The following GPC5 variants were observed in gnomAD, a reference collection of about 807,000 sequenced individuals.
GPC5 encodes the protein glypican 5.
In GPC5, 47 loss-of-function variants were observed where a neutral mutation model predicts 53.9. The ratio of observed to expected loss-of-function variants is 0.87; its 90% CI spans 0.69 to 1.11. GPC5 has a LOEUF of 1.11. Among genes scored for constraint, GPC5 ranks in the 50% most tolerant of loss-of-function variants. The pLI is 0.00. For synonymous variants in GPC5, 286 were observed against 263.3 expected (o/e 1.09, Z -0.84); for missense variants, 748 against 713.1 (o/e 1.05, Z -0.56).
chr13:91,979,938 T>C (rs996132787), intron 6 of GPC5, among the ~76,000 whole-genome samples: 4 of 152,214 alleles, frequency 2.6e-5, no homozygotes, highest in Admixed American at 6.5e-5. Context: ...CACAACACTT[T>C]GCTACTTTCA....
chr13:92,385,337 CATATATAT>C (rs1293534012), intron 7 of GPC5, among the ~76,000 whole-genome samples: 5 of 115,806 alleles, frequency 4.3e-5, no homozygotes, highest in East Asian at 2.6e-4. Context: ...TACATATATA[CATATATAT>C]ACATATATAC....
intron 7 of GPC5, among the ~76,000 whole-genome samples, chr13:92,387,272 C>T (rs558299400): frequency 2.6e-5 from 4 of 152,084 alleles, no homozygotes; most frequent in South Asian, 2.1e-4. Flanking sequence ...CTTTGTGTGA[C>T]GTAATTTCCC....
intron 7 of GPC5, among the ~76,000 whole-genome samples, chr13:92,272,748 A>T (rs1486603056): frequency 6.6e-6 from 1 of 152,202 alleles, no homozygotes; most frequent in African/African-American, 2.4e-5. Flanking sequence ...AATACCATGG[A>T]GCTTAAAAGC....
intron 7 of GPC5, among the ~76,000 whole-genome samples, chr13:92,412,273 C>T (rs574225085): frequency 6.6e-6 from 1 of 152,264 alleles, no homozygotes; most frequent in South Asian, 2.1e-4. Context: ...CTACCTGATG[C>T]TAGTCCATCT....
At chr13:92,540,200 A>G (rs1881889096) in intron 7 of GPC5, among the ~76,000 whole-genome samples, 1 of 152,002 alleles carries the variant, frequency 6.6e-6, no homozygotes, top group African/African-American at 2.4e-5. Context: ...GAAAAGCTCT[A>G]TCATGAATAA....
At chr13:92,266,011 C>T (rs569723511) in intron 7 of GPC5, among the ~76,000 whole-genome samples, 26 of 152,244 alleles carry the variant, frequency 1.7e-4, no homozygotes, top group African/African-American at 6.3e-4. Flanking sequence ...AACCCACCCC[C>T]GTAATAACGA....
chr13:92,103,620 A>G (rs1455312497), intron 6 of GPC5, among the ~76,000 whole-genome samples: 1 of 152,166 alleles, frequency 6.6e-6, no homozygotes, highest in Non-Finnish European at 1.5e-5. Context: ...AGAAATTTCC[A>G]AAATTACTGT....
chr13:92,765,208 T>C (rs557902947), intron 7 of GPC5, among the ~76,000 whole-genome samples: 42 of 152,298 alleles, frequency 2.8e-4, no homozygotes, highest in African/African-American at 9.9e-4. Flanking sequence ...ATTTTCCCCA[T>C]GGTCTTCTTA....
intron 6 of GPC5, among the ~76,000 whole-genome samples, chr13:92,102,944 C>A (rs2041478806): frequency 6.6e-6 from 1 of 152,152 alleles, no homozygotes; most frequent in South Asian, 2.1e-4. Flanking sequence ...CTCACTGTAG[C>A]CTCAACCTCC....
intron 2 of GPC5, among the ~76,000 whole-genome samples, chr13:91,598,722 A>G (rs1594311141): frequency 2.0e-5 from 3 of 152,234 alleles, no homozygotes. Flanking sequence ...AAACAAGTAT[A>G]TCATGTAAAG....
intron 5 of GPC5, among the ~76,000 whole-genome samples, chr13:91,805,478 T>TTGAA (rs3029820): frequency 0.6 from 90,412 of 151,674 alleles, 27,439 homozygotes; most frequent in East Asian, 0.95. Context: ...TAATTTGACT[T>TTGAA]TGGTCAAAGG....
chr13:91,762,804 A>G (rs1300075724), intron 5 of GPC5, among the ~76,000 whole-genome samples: 1 of 152,146 alleles, frequency 6.6e-6, no homozygotes, highest in African/African-American at 2.4e-5. Flanking sequence ...ATAATTTTCA[A>G]TTAAATCATT....
chr13:92,512,256 G>GCA (rs1366460672), intron 7 of GPC5, among the ~76,000 whole-genome samples: 13 of 151,990 alleles, frequency 8.6e-5, no homozygotes, highest in East Asian at 1.9e-4. Flanking sequence ...GTGTGCGCGC[G>GCA]CGCGCGCGTA....
At chr13:91,482,496 G>A (rs1883360950) in intron 2 of GPC5, among the ~76,000 whole-genome samples, 1 of 152,188 alleles carries the variant, frequency 6.6e-6, no homozygotes, top group Non-Finnish European at 1.5e-5. Flanking sequence ...TTCTCATAGT[G>A]TAATCCAAAA....
chr13:91,923,698 CT>C (rs1048993474), intron 6 of GPC5, among the ~76,000 whole-genome samples: 2 of 151,974 alleles, frequency 1.3e-5, no homozygotes, highest in Non-Finnish European at 2.9e-5. Context: ...ATTTATATAC[CT>C]ATCTACTATC....
At chr13:92,782,107 GGGGAAGGGA>G (rs1249271787) in intron 7 of GPC5, among the ~76,000 whole-genome samples, 2 of 150,438 alleles carry the variant, frequency 1.3e-5, no homozygotes, top group Non-Finnish European at 3.0e-5. Flanking sequence ...GAAGGAGTGG[GGGGAAGGGA>G]GGGAAGGGAA....
intron 5 of GPC5, among the ~76,000 whole-genome samples, chr13:91,885,970 T>C (rs1164064157): frequency 1.3e-5 from 1 of 79,962 alleles, no homozygotes; most frequent in African/African-American, 5.3e-5. Flanking sequence ...TTTTTTAGGA[T>C]TTTTTTCTGT....
intron 2 of GPC5, among the ~76,000 whole-genome samples, chr13:91,568,269 C>T (rs1001552625): frequency 6.6e-6 from 1 of 152,120 alleles, no homozygotes; most frequent in South Asian, 2.1e-4. Context: ...ATTGTCATGA[C>T]ATGGGAATTT....
In GPC5 at chr13:92,752,969, G is replaced by C. The variant is rs60135481; in HGVS notation, c.1562-113313G>C. On this transcript the variant is annotated intron_variant, in intron 7 of 7. Coordinates refer to ENST00000377067, the MANE Select transcript of GPC5 (RefSeq NM_004466.6). ...GGCAAACAAAGCAGCCAGGAAGCTCGAACTGGGTGGAGCCCACCACAGCTC... is the reference window on the plus strand; with the variant it reads ...GGCAAACAAAGCAGCCAGGAAGCTCCAACTGGGTGGAGCCCACCACAGCTC... Among the ~76,000 whole-genome samples, 12 of 152,246 alleles carry C rather than the reference G, an allele frequency of 7.9e-5. No individual in the cohort carries two copies. The South Asian group carries it at 1.9e-3, about 24-fold the overall frequency.
Sources: gnomAD v4.1 joint callset for allele counts (sites outside exome capture counted in the v4.1 genomes callset) on GRCh38, gnomAD v4.1.1 for gene constraint, MANE v1.5 for transcripts, NCBI Gene and HGNC (gene_info 2026-07-23, HGNC 2026-07-21) for gene names.